The following BCL2 variants were observed in gnomAD, a reference collection of about 807,000 sequenced individuals.
BCL2 encodes the protein apoptosis regulator Bcl-2.
In BCL2, 1 loss-of-function variant was observed where a neutral mutation model predicts 14.2. The ratio of observed to expected loss-of-function variants is 0.07; its 90% CI spans 0.02 to 0.33. BCL2 has a LOEUF of 0.33. Ranked by LOEUF, BCL2 falls within the 10% of genes least tolerant of loss-of-function variation. The pLI, the probability that BCL2 is intolerant of heterozygous loss-of-function variation, is 0.99. For synonymous variants in BCL2, 151 were observed against 137.2 expected (o/e 1.10, Z -0.70); for missense variants, 247 against 305.9 (o/e 0.81, Z 1.44).
chr18:63,236,043 G>C (rs1910821092), intron 2 of BCL2, among the ~76,000 whole-genome samples: 1 of 152,122 alleles, frequency 6.6e-6, no homozygotes, highest in African/African-American at 2.4e-5. Flanking sequence ...GGAGGCAACT[G>C]AATCATGGAG....
In BCL2 at chr18:63,123,635, C is replaced by T. The variant is rs1018015355; in HGVS notation, c.*4990G>A. On this transcript the variant is annotated 3_prime_UTR_variant, in exon 3 of 3. Transcript: ENST00000333681. ...AACAAAAGCTTTCAATACAAAAACA[C>T]TTATTGTACACTTATTTTTATTTAA... is the stretch of plus-strand genomic sequence containing the variant. 15 of 211,054 alleles carry T rather than the reference C, an allele frequency of 7.1e-5. No homozygotes were observed. Among genetic ancestry groups the T allele is most frequent in the African/African-American group, 3.2e-4 (14 of 44,148 alleles). 13.1% of individuals were successfully genotyped at this position (211,054 alleles called of 1,614,324 possible).
chr18:63,198,341 GAC>G (rs1181762659), intron 2 of BCL2, among the ~76,000 whole-genome samples: 1 of 126,294 alleles, frequency 7.9e-6, no homozygotes, highest in Non-Finnish European at 1.7e-5. Context: ...CACACACACA[GAC>G]ACAGAGACAC....
intron 2 of BCL2, among the ~76,000 whole-genome samples, chr18:63,142,909 T>C (rs944800946): frequency 1.4e-4 from 22 of 152,224 alleles, no homozygotes; most frequent in Non-Finnish European, 3.2e-4. Flanking sequence ...TCCTCTTCCT[T>C]CCTCATCAGA....
chr18:63,153,143 A>G (rs1220410334), intron 2 of BCL2, among the ~76,000 whole-genome samples: 2 of 152,230 alleles, frequency 1.3e-5, no homozygotes, highest in Non-Finnish European at 1.5e-5. Flanking sequence ...AGATTCGTCA[A>G]TGAGTTGAAT....
intron 2 of BCL2, among the ~76,000 whole-genome samples, chr18:63,180,514 C>A (rs910146010): frequency 6.6e-6 from 1 of 151,394 alleles, no homozygotes; most frequent in Admixed American, 6.6e-5. Flanking sequence ...CCGCCCACCC[C>A]ACCCCAGACC....
rs560693615 is a variant in BCL2 at position 63,224,857 on chromosome 18, T to C, written c.585+93225A>G. On this transcript the variant is annotated intron_variant, in intron 2 of 2. Transcript: ENST00000333681. ...CCACTGCACCAGGTTTTAATTCTGA[T>C]AGCTGCTGGAGGCTGTGCTTCCTCA... 3.9e-5 allele frequency among the ~76,000 whole-genome samples: 6 copies of C among 152,276 alleles called. No homozygotes were observed. In the South Asian group the frequency reaches 1.2e-3, roughly 32 times the overall value.
At chr18:63,241,452 T>TCTA (rs1238966893) in intron 2 of BCL2, among the ~76,000 whole-genome samples, 1 of 152,196 alleles carries the variant, frequency 6.6e-6, no homozygotes, top group Non-Finnish European at 1.5e-5. Context: ...GTAGTAGTTT[T>TCTA]GCCATTTACG....
intron 2 of BCL2, among the ~76,000 whole-genome samples, chr18:63,245,363 T>C (rs1196623444): frequency 6.6e-6 from 1 of 151,108 alleles, no homozygotes; most frequent in Non-Finnish European, 1.5e-5. Context: ...TCCATTTCTA[T>C]ATCAATTAAG....
intron 2 of BCL2, among the ~76,000 whole-genome samples, chr18:63,144,928 C>T (rs541322406): frequency 3.3e-5 from 5 of 152,192 alleles, no homozygotes; most frequent in African/African-American, 4.8e-5. Flanking sequence ...GGAACGTGTG[C>T]GGCACACTCT....
At chr18:63,147,730 C>T (rs1195967689) in intron 2 of BCL2, among the ~76,000 whole-genome samples, 1 of 152,172 alleles carries the variant, frequency 6.6e-6, no homozygotes, top group Non-Finnish European at 1.5e-5. Flanking sequence ...TAAGGGATGT[C>T]TTCTCTGGAT....
At chr18:63,165,592 G>T (rs1193382265) in intron 2 of BCL2, among the ~76,000 whole-genome samples, 1 of 152,212 alleles carries the variant, frequency 6.6e-6, no homozygotes, top group Non-Finnish European at 1.5e-5. Context: ...ACCTCTCTCA[G>T]GCTAAATGGC....
intron 2 of BCL2, among the ~76,000 whole-genome samples, chr18:63,265,179 C>T (rs989427302): frequency 7.9e-5 from 12 of 152,126 alleles, no homozygotes; most frequent in African/African-American, 2.7e-4. Context: ...ACGCTAAGGT[C>T]TTGCTGGCAG....
chr18:63,176,228 T>C (rs1599225994), intron 2 of BCL2, among the ~76,000 whole-genome samples: 1 of 152,228 alleles, frequency 6.6e-6, no homozygotes, highest in South Asian at 2.1e-4. Context: ...GACTATTCAA[T>C]ATTTTCTATA....
At chr18:63,144,044 AAGGCTTC>A (rs1914441887) in intron 2 of BCL2, among the ~76,000 whole-genome samples, 1 of 152,216 alleles carries the variant, frequency 6.6e-6, no homozygotes, top group Non-Finnish European at 1.5e-5. Flanking sequence ...TGGGCTGGTG[AAGGCTTC>A]AAGAGAAATT....
At chr18:63,228,766 T>C (rs1910613631) in intron 2 of BCL2, among the ~76,000 whole-genome samples, 1 of 151,990 alleles carries the variant, frequency 6.6e-6, no homozygotes. Flanking sequence ...TGGAGTGCAG[T>C]GGCATGATCT....
chr18:63,312,178 A>T (rs1407072329), intron 2 of BCL2, among the ~76,000 whole-genome samples: 2 of 152,190 alleles, frequency 1.3e-5, no homozygotes, highest in African/African-American at 4.8e-5. Flanking sequence ...ATCTAAGCGC[A>T]TTACGGTTTT....
intron 2 of BCL2, among the ~76,000 whole-genome samples, chr18:63,283,256 G>A (rs1479660116): frequency 6.6e-6 from 1 of 152,148 alleles, no homozygotes; most frequent in Non-Finnish European, 1.5e-5. Flanking sequence ...TCCGAGTTCT[G>A]AAACGCCCAT....
intron 2 of BCL2, among the ~76,000 whole-genome samples, chr18:63,236,926 T>C (rs1433832297): frequency 6.6e-6 from 1 of 152,230 alleles, no homozygotes; most frequent in African/African-American, 2.4e-5. Flanking sequence ...TTCTAGACTC[T>C]TCATTCTGTT....
intron 2 of BCL2, among the ~76,000 whole-genome samples, chr18:63,267,019 CAG>C (rs1568252321): frequency 1.3e-5 from 2 of 152,142 alleles, no homozygotes; most frequent in Non-Finnish European, 2.9e-5. Flanking sequence ...GCAGGGGAAA[CAG>C]AGAGTGCTCC....
Sources: gnomAD v4.1 joint callset for allele counts (sites outside exome capture counted in the v4.1 genomes callset) on GRCh38, gnomAD v4.1.1 for gene constraint, MANE v1.5 for transcripts, NCBI Gene and HGNC (gene_info 2026-07-23, HGNC 2026-07-21) for gene names.